DST: variants seen among roughly 807,000 people sequenced by gnomAD.
DST encodes dystonin, also known as bullous pemphigoid antigen.
DST carries 253 observed loss-of-function variants against 875.2 expected under a neutral mutation model. The ratio of observed to expected loss-of-function variants is 0.29; its 90% CI spans 0.26 to 0.32. The LOEUF (loss-of-function observed/expected upper bound fraction) is 0.32. DST is among the 10% of genes least tolerant of loss of function. DST has a pLI of 1.00. For synonymous variants in DST, 3,124 were observed against 3,197.1 expected (o/e 0.98, Z 0.77); for missense variants, 8,287 against 9,111.6 (o/e 0.91, Z 3.68).
At chr6:56,548,153 T>A (rs375528909) in intron 61 of DST, among the ~76,000 whole-genome samples, 22 of 152,140 alleles carry the variant, frequency 1.4e-4, no homozygotes, top group Non-Finnish European at 2.1e-4. Flanking sequence ...AGGCCACCCA[T>A]AAAATACACT....
rs1271799684 is a variant in DST at position 56,692,751 on chromosome 6, T to C, written c.1047+6902A>G. 3 of 1,289,796 alleles carry C rather than the reference T, an allele frequency of 2.3e-6. 1 individual carries two copies. In the East Asian group the frequency reaches 1.7e-4, roughly 72 times the overall value. The allele number at this position is 1,289,796 out of a possible 1,614,324, so 79.9% of individuals were successfully genotyped here. ...CATCCAGTTCACTAACTTTTACTTC[T>C]GTTTCACTGTCTTTAGCAGGAGAAG... On this transcript the variant is annotated intron_variant, in intron 9 of 103. Coordinates refer to ENST00000680361, the MANE Select transcript of DST (RefSeq NM_001374736.1).
chr6:56,755,537 G>A (rs2099599977), intron 4 of DST, among the ~76,000 whole-genome samples: 1 of 152,154 alleles, frequency 6.6e-6, no homozygotes, highest in African/African-American at 2.4e-5. Context: ...CTCAATGAGA[G>A]CAGCTTATCC....
At chr6:56,506,358 C>A in intron 77 of DST, 85 bp downstream of exon 77, 1 of 1,081,032 alleles carries the variant, frequency 9.3e-7, no homozygotes, top group Non-Finnish European at 1.3e-6. Context: ...ACTGGCAGAT[C>A]TTGAGGTGGT....
At chr6:56,675,529 A>G (rs1355939741) in intron 9 of DST, among the ~76,000 whole-genome samples, 3 of 152,220 alleles carry the variant, frequency 2.0e-5, no homozygotes, top group East Asian at 1.9e-4. Flanking sequence ...TCCAAAATAT[A>G]TAAGGAACTA....
chr6:56,592,860 C>T (rs2098303599), intron 48 of DST, among the ~76,000 whole-genome samples: 1 of 151,704 alleles, frequency 6.6e-6, no homozygotes, highest in African/African-American at 2.4e-5. Context: ...ATATTACAAA[C>T]CAGTAAATAT....
chr6:56,949,993 G>C (rs1383741256), intron 2 of DST, among the ~76,000 whole-genome samples: 1 of 152,100 alleles, frequency 6.6e-6, no homozygotes, highest in Admixed American at 6.5e-5. Flanking sequence ...AAAACTAAAG[G>C]ATTTGCCAGT....
chr6:56,547,302 C>T (rs2097248056), intron 61 of DST, among the ~76,000 whole-genome samples: 1 of 152,170 alleles, frequency 6.6e-6, no homozygotes, highest in South Asian at 2.1e-4. Flanking sequence ...AGTAGGGCTT[C>T]TCTCTTGACC....
chr6:56,760,384 T>C (rs1222651327), intron 4 of DST, among the ~76,000 whole-genome samples: 1 of 152,226 alleles, frequency 6.6e-6, no homozygotes, highest in Admixed American at 6.5e-5. Flanking sequence ...CTTTATTTTT[T>C]GTATGTCTCT....
At position 56,619,886 on chromosome 6, in the gene DST, C is replaced by G. The variant is rs1179427502; in HGVS notation, c.4929+4644G>C. The G allele has an allele frequency of 6.2e-7, 1 of 1,614,132 alleles. No homozygotes were observed. Among genetic ancestry groups the G allele is most frequent in the Admixed American group, 1.7e-5 (1 of 60,022 alleles). ...GGCATTAAGTTCATATGTCAGCTCT[C>G]TCATGTCTTGTTCAGCCTTTCTATT... is the stretch of plus-strand genomic sequence containing the variant. On this transcript the variant is annotated intron_variant, in intron 36 of 103. Coordinates refer to ENST00000680361, the MANE Select transcript of DST (RefSeq NM_001374736.1).
At chr6:56,807,159 C>T (rs1467785912) in intron 4 of DST, among the ~76,000 whole-genome samples, 1 of 152,110 alleles carries the variant, frequency 6.6e-6, no homozygotes, top group Non-Finnish European at 1.5e-5. Flanking sequence ...CAAGCAGTCC[C>T]CCCATGTCAG....
intron 2 of DST, among the ~76,000 whole-genome samples, chr6:56,925,254 C>T (rs992355002): frequency 1.3e-5 from 2 of 152,112 alleles, no homozygotes; most frequent in African/African-American, 4.8e-5. Context: ...TAAAAATCAT[C>T]TATTTGAGCA....
At chr6:56,561,205 G>T in intron 57 of DST, 103 bp downstream of exon 57, 1 of 1,277,742 alleles carries the variant, frequency 7.8e-7, no homozygotes, top group Non-Finnish European at 1.1e-6. Flanking sequence ...AGGTTACAGA[G>T]CTAGAAAAGA....
chr6:56,700,745 A>G (rs1035417714), intron 8 of DST, among the ~76,000 whole-genome samples: 16 of 152,144 alleles, frequency 1.1e-4, no homozygotes, highest in Non-Finnish European at 2.9e-5. Context: ...GATATTTAAC[A>G]TTTTACTTCT....
chr6:56,494,281 T>A, intron 82 of DST, 101 bp from the exon 83 acceptor site: 1 of 1,140,244 alleles, frequency 8.8e-7, no homozygotes, highest in East Asian at 2.5e-5. Context: ...CATATATTCA[T>A]CTCTGTTTGC....
chr6:56,562,411 C>T (rs973769289), intron 55 of DST, among the ~76,000 whole-genome samples: 1 of 151,862 alleles, frequency 6.6e-6, no homozygotes. Flanking sequence ...TAAACACTAC[C>T]ATTTCAGTAT....
intron 4 of DST, among the ~76,000 whole-genome samples, chr6:56,810,557 T>C (rs893206644): frequency 2.0e-5 from 3 of 152,180 alleles, no homozygotes; most frequent in African/African-American, 7.2e-5. Flanking sequence ...TATGTGATCA[T>C]ATTTGCAAAT....
intron 2 of DST, among the ~76,000 whole-genome samples, chr6:56,933,247 T>C (rs760581442): frequency 1.3e-5 from 2 of 152,222 alleles, no homozygotes; most frequent in Non-Finnish European, 2.9e-5. Context: ...AATCTACCTA[T>C]GACCTGCCCC....
chr6:56,924,966 C>G (rs1354377367), intron 2 of DST, among the ~76,000 whole-genome samples: 1 of 152,090 alleles, frequency 6.6e-6, no homozygotes, highest in African/African-American at 2.4e-5. Context: ...TTTACTTAAT[C>G]CAGCTTATTC....
intron 4 of DST, among the ~76,000 whole-genome samples, chr6:56,848,508 T>C (rs1213915305): frequency 6.6e-6 from 1 of 152,186 alleles, no homozygotes; most frequent in East Asian, 1.9e-4. Flanking sequence ...GAATTTTCAA[T>C]TGTATGTTTT....
Sources: gnomAD v4.1 joint callset for allele counts (sites outside exome capture counted in the v4.1 genomes callset) on GRCh38, gnomAD v4.1.1 for gene constraint, MANE v1.5 for transcripts, NCBI Gene and HGNC (gene_info 2026-07-23, HGNC 2026-07-21) for gene names.